RPL39L: variants seen among roughly 807,000 people sequenced by gnomAD.
RPL39L encodes the protein ribosomal protein L39 like, also known as ribosomal protein eL39-like 2.
For synonymous variants in RPL39L, 16 were observed against 20.1 expected (o/e 0.80, Z 0.55); for missense variants, 48 against 58.9 (o/e 0.81, Z 0.61).
At chr3:187,136,045 A>C (rs1720573750) in intron 1 of RPL39L, among the ~76,000 whole-genome samples, 2 of 152,366 alleles carry the variant, frequency 1.3e-5, no homozygotes, top group Admixed American at 1.3e-4. Context: ...ATGTAAAGCT[A>C]ACATCTTCCC....
rs373201425 is a variant in RPL39L, at chr3:187,125,945, T to C, written c.-29+2054A>G. Among the ~76,000 whole-genome samples, 12 of 152,310 alleles carry C rather than the reference T, an allele frequency of 7.9e-5. No individual in the cohort carries two copies. In the East Asian group the frequency reaches 2.1e-3, roughly 27 times the overall value. ...GTGGGAAGCATTTCTTGGAACCCAC[T>C]GAGTAAATATCAGAGCACTCCGGAG... On this transcript the variant is annotated intron_variant, in intron 2 of 2. Coordinates refer to ENST00000296277, the MANE Select transcript of RPL39L (RefSeq NM_052969.3).
chr3:187,121,230 G>C lies in RPL39L; in HGVS notation c.71C>G (p.Pro24Arg). 6.2e-7 allele frequency: 1 copy of C among 1,613,908 alleles called. No individual in the cohort carries two copies. Among genetic ancestry groups the C allele is most frequent in the Non-Finnish European group, 8.5e-7 (1 of 1,179,862 alleles). ...ACCAGGTTTCATCTGAATCCACTGG[G>C]GGATGGGACGATTTTGCTTTTGTTT... ...AKKQKQNRPIPQWIQMKPGSK... is the reference protein window; with the variant it reads ...AKKQKQNRPIRQWIQMKPGSK... Residue 24 changes from proline to arginine, a missense_variant, in exon 3 of 3, where the codon CCC becomes CGC. Pro to Arg is a moderately radical substitution (Grantham distance 103). Coordinates refer to ENST00000296277, the MANE Select transcript of RPL39L (RefSeq NM_052969.3).
At chr3:187,136,304 C>A (rs1259424498) in intron 1 of RPL39L, among the ~76,000 whole-genome samples, 1 of 152,206 alleles carries the variant, frequency 6.6e-6, no homozygotes, top group African/African-American at 2.4e-5. Context: ...GAGTTTGTAA[C>A]AATATAATTA....
At chr3:187,134,481 G>GAGAAAAAAAAAAAAA (rs1159744168) in intron 1 of RPL39L, among the ~76,000 whole-genome samples, 1 of 73,508 alleles carries the variant, frequency 1.4e-5, no homozygotes, top group African/African-American at 1.3e-4. Context: ...TAGCCTGACT[G>GAGAAAAAAAAAAAAA]ATAAAAAAAA....
At chr3:187,136,695 A>C (rs1720586001) in intron 1 of RPL39L, among the ~76,000 whole-genome samples, 1 of 152,178 alleles carries the variant, frequency 6.6e-6, no homozygotes, top group South Asian at 2.1e-4. Flanking sequence ...CATTATAAGA[A>C]GTTTCCAATA....
chr3:187,138,953 G>A (rs1720635854), intron 1 of RPL39L, among the ~76,000 whole-genome samples: 1 of 152,186 alleles, frequency 6.6e-6, no homozygotes, highest in South Asian at 2.1e-4. Flanking sequence ...CAGCTACTCA[G>A]GAGGCTAAGG....
intron 2 of RPL39L, among the ~76,000 whole-genome samples, chr3:187,126,335 T>A (rs921311268): frequency 1.3e-4 from 20 of 152,006 alleles, no homozygotes; most frequent in Non-Finnish European, 2.2e-4. Context: ...CTAATTTTTT[T>A]ATATTTTTTG....
At chr3:187,137,134 G>C (rs542257346) in intron 1 of RPL39L, among the ~76,000 whole-genome samples, 2 of 142,710 alleles carry the variant, frequency 1.4e-5, no homozygotes, top group Non-Finnish European at 3.0e-5. Context: ...GAGGAGATGA[G>C]GTTGTAGTGA....
intron 2 of RPL39L, among the ~76,000 whole-genome samples, chr3:187,127,471 C>T (rs1165392578): frequency 6.6e-6 from 1 of 152,214 alleles, no homozygotes; most frequent in Non-Finnish European, 1.5e-5. Context: ...TACTTAGAAG[C>T]AATATGCGTA....
At chr3:187,133,789 CA>C (rs1197435347) in intron 1 of RPL39L, among the ~76,000 whole-genome samples, 1 of 152,028 alleles carries the variant, frequency 6.6e-6, no homozygotes, top group African/African-American at 2.4e-5. Context: ...CTACCCTAAG[CA>C]AAAGGTAATA....
chr3:187,135,395 C>T (rs1458077909), intron 1 of RPL39L, among the ~76,000 whole-genome samples: 1 of 152,142 alleles, frequency 6.6e-6, no homozygotes, highest in Non-Finnish European at 1.5e-5. Flanking sequence ...CTTTCCCGTG[C>T]TGTTCTTGTG....
Position 187,121,183 on chromosome 3 carries a change from T to G in RPL39L, c.118A>C (p.Lys40Gln). ...TTGGTTCTTCTCCAATGCCTCCTTT[T>G]GGAGTTGTACCTGATTTTACTACCA... is the stretch of plus-strand genomic sequence containing the variant. Reference protein sequence around the residue: ...KPGSKIRYNSKRRHWRRTKLG... With the variant: ...KPGSKIRYNSQRRHWRRTKLG... The change falls in exon 3 of 3, where the codon AAA becomes CAA. Residue 40 changes from lysine to glutamine, a missense_variant. Transcript: ENST00000296277. 1 of 1,613,952 alleles carries G rather than the reference T, an allele frequency of 6.2e-7. No homozygotes were observed. Among genetic ancestry groups the G allele is most frequent in the Non-Finnish European group, 8.5e-7 (1 of 1,179,860 alleles).
chr3:187,122,388 A>AT (rs3835037), intron 2 of RPL39L, among the ~76,000 whole-genome samples: 100,298 of 151,372 alleles, frequency 0.66, 34,064 homozygotes, highest in East Asian at 0.8. Flanking sequence ...TGACAAAGGC[A>AT]TTTTTTTTTA....
chr3:187,121,310 CAG>C lies in RPL39L; in HGVS notation c.-12_-11del, dbSNP rs765312854. ...TCTTGTGAGAAGACATGGCGAGAAA[CAG>C]AGTCAACCACACACCACTATGGCGG... On this transcript the variant is annotated 5_prime_UTR_variant, in exon 3 of 3. Transcript: ENST00000296277. 29 of 1,613,640 alleles carry C rather than the reference CAG, an allele frequency of 1.8e-5. No homozygotes were observed. The highest frequency in any genetic ancestry group is 1.8e-5 in the Non-Finnish European group (21 of 1,179,812).
rs1197056683 is a variant in RPL39L at position 187,139,278 on chromosome 3, C to A, written c.-158G>T. On this transcript the variant is annotated 5_prime_UTR_variant, in exon 1 of 3. Coordinates refer to ENST00000296277, the MANE Select transcript of RPL39L (RefSeq NM_052969.3). Reference sequence around the variant, plus strand: ...AATCTCGATCTGCAAGGGCCTGGGGCGCGGGCGGAAAAGGCGGGCCCAGCT... The same window carrying A: ...AATCTCGATCTGCAAGGGCCTGGGGAGCGGGCGGAAAAGGCGGGCCCAGCT... 1 of 152,300 alleles carries A rather than the reference C, an allele frequency of 6.6e-6. No individual in the cohort carries two copies. Among genetic ancestry groups the A allele is most frequent in the East Asian group, 1.9e-4 (1 of 5,186 alleles). The allele number at this position is 152,300 out of a possible 1,614,324, so 9.4% of individuals were successfully genotyped here.
At chr3:187,123,350 C>T (rs1720344774) in intron 2 of RPL39L, among the ~76,000 whole-genome samples, 1 of 152,142 alleles carries the variant, frequency 6.6e-6, no homozygotes, top group African/African-American at 2.4e-5. Flanking sequence ...ACGAGAATAA[C>T]AAATAGGCCT....
At chr3:187,128,827 T>C (rs1430696605) in intron 1 of RPL39L, among the ~76,000 whole-genome samples, 3 of 152,236 alleles carry the variant, frequency 2.0e-5, no homozygotes, top group Non-Finnish European at 4.4e-5. Flanking sequence ...ACTGAGGCTA[T>C]GGCAAAAACA....
chr3:187,125,640 G>A (rs1222586543), intron 2 of RPL39L, among the ~76,000 whole-genome samples: 1 of 151,398 alleles, frequency 6.6e-6, no homozygotes, highest in Admixed American at 6.6e-5. Context: ...CCTGCTGCCT[G>A]TTGATCAACT....
chr3:187,133,396 C>T lies in RPL39L; in HGVS notation c.-92-5334G>A, dbSNP rs999132240. Among the ~76,000 whole-genome samples, 5 of 152,192 alleles carry T rather than the reference C, an allele frequency of 3.3e-5. No individual in the cohort carries two copies. In the East Asian group the frequency reaches 9.7e-4, roughly 29 times the overall value. On this transcript the variant is annotated intron_variant, in intron 1 of 2. Transcript: ENST00000296277. ...TCCCCCTTCACTCTCTTTCCTGCCA[C>T]CATCTAAGACGTGCTTTGCTTCCCC... is the stretch of plus-strand genomic sequence containing the variant.
Sources: allele counts gnomAD v4.1 joint callset (sites outside exome capture counted in the v4.1 genomes callset), GRCh38; gene constraint gnomAD v4.1.1; transcripts MANE v1.5; gene names NCBI Gene and HGNC (gene_info 2026-07-23, HGNC 2026-07-21).